NT5DC1: variants seen among roughly 807,000 people sequenced by gnomAD.
NT5DC1 encodes 5'-nucleotidase domain-containing protein 1.
In NT5DC1, 42 loss-of-function variants were observed where a neutral mutation model predicts 59.4. The ratio of observed to expected loss-of-function variants is 0.71; its 90% CI spans 0.55 to 0.92. The LOEUF is 0.92. Ranked by LOEUF, NT5DC1 falls within the 40% of genes least tolerant of loss-of-function variation. The pLI is 0.00. For missense variants in NT5DC1, 501 were observed against 537.1 expected (o/e 0.93, Z 0.66); for synonymous variants, 172 against 188.1 (o/e 0.91, Z 0.70).
rs759663795 is a variant in NT5DC1 at position 116,121,859 on chromosome 6, C to A, written c.529+3914C>A. On this transcript the variant is annotated intron_variant, in intron 6 of 11. Coordinates refer to ENST00000319550, the MANE Select transcript of NT5DC1 (RefSeq NM_152729.3). The stretch of plus-strand genomic sequence containing the variant: ...TGGCTCTCCTTGGAGTCCAGGACTT[C>A]CGTAGCCTGGTTTTCCTGGTGGTCC... 7.4e-6 allele frequency: 12 copies of A among 1,614,032 alleles called. No homozygotes were observed. The South Asian group carries it at 1.3e-4, about 18-fold the overall frequency.
chr6:116,146,188 T>A (rs1779894495), intron 6 of NT5DC1, among the ~76,000 whole-genome samples: 1 of 152,180 alleles, frequency 6.6e-6, no homozygotes, highest in African/African-American at 2.4e-5. Context: ...GAAGAGTCCC[T>A]GGGGATATGA....
chr6:116,156,289 A>C (rs1244548177), intron 6 of NT5DC1, among the ~76,000 whole-genome samples: 1 of 152,128 alleles, frequency 6.6e-6, no homozygotes, highest in Non-Finnish European at 1.5e-5. Context: ...AAAACTAATG[A>C]ACTTTGTTTT....
intron 1 of NT5DC1, among the ~76,000 whole-genome samples, chr6:116,104,163 A>G (rs1193165789): frequency 1.3e-5 from 2 of 152,174 alleles, no homozygotes; most frequent in African/African-American, 2.4e-5. Context: ...GACAAACTGC[A>G]AGAAGCCTTC....
intron 5 of NT5DC1, among the ~76,000 whole-genome samples, chr6:116,117,346 T>C (rs926293618): frequency 1.3e-5 from 2 of 152,202 alleles, no homozygotes; most frequent in Non-Finnish European, 2.9e-5. Context: ...AAGATTTCTT[T>C]TTAAAATTAC....
At chr6:116,139,989 T>C (rs1779724446) in intron 6 of NT5DC1, among the ~76,000 whole-genome samples, 1 of 152,188 alleles carries the variant, frequency 6.6e-6, no homozygotes, top group Non-Finnish European at 1.5e-5. Context: ...GCTTTTCTTA[T>C]TTGATCCAGA....
intron 6 of NT5DC1, among the ~76,000 whole-genome samples, chr6:116,219,145 G>A (rs912126595): frequency 2.6e-5 from 4 of 152,140 alleles, no homozygotes; most frequent in Admixed American, 1.3e-4. Flanking sequence ...CCAACAGAGC[G>A]AGACCCTGTC....
Position 116,183,313 on chromosome 6 carries a change from C to T in NT5DC1, c.530-37741C>T, listed in dbSNP as rs185798089. Among the ~76,000 whole-genome samples, 424 of 152,078 alleles carry T rather than the reference C, an allele frequency of 2.8e-3. 1 individual carries two copies. The highest frequency in any genetic ancestry group is 5.1e-3 in the Non-Finnish European group (346 of 67,980). ...AGTTCAAAGTTGGGTAATGTGATGC[C>T]TCCAGATTTGTTCTTTTTGCTTAGT... On this transcript the variant is annotated intron_variant, in intron 6 of 11. Coordinates refer to ENST00000319550, the MANE Select transcript of NT5DC1 (RefSeq NM_152729.3).
rs1582890480 is a variant in NT5DC1, at chr6:116,244,588, A to G, written c.*564A>G. The G allele has an allele frequency of 6.6e-6, 1 of 152,260 alleles. No individual in the cohort carries two copies. Among genetic ancestry groups the G allele is most frequent in the Admixed American group, 6.5e-5 (1 of 15,284 alleles). 9.4% of individuals were successfully genotyped at this position (152,260 alleles called of 1,614,324 possible). ...GTTGTTATCTTTTGTTATCTTTTATATGCCCTAGGAAAGTACAACCAGAAT... is the reference window on the plus strand; with the variant it reads ...GTTGTTATCTTTTGTTATCTTTTATGTGCCCTAGGAAAGTACAACCAGAAT... On this transcript the variant is annotated 3_prime_UTR_variant, in exon 12 of 12. Coordinates refer to ENST00000319550, the MANE Select transcript of NT5DC1 (RefSeq NM_152729.3).
At chr6:116,193,789 G>C (rs2114496723) in intron 6 of NT5DC1, among the ~76,000 whole-genome samples, 1 of 152,068 alleles carries the variant, frequency 6.6e-6, no homozygotes, top group South Asian at 2.1e-4. Flanking sequence ...AGAGGAGTTG[G>C]GCCAGGCACA....
At chr6:116,121,404 C>G in intron 6 of NT5DC1, 18 of 1,614,128 alleles carry the variant, frequency 1.1e-5, no homozygotes, top group Non-Finnish European at 1.4e-5. Context: ...CCCGGAAAAC[C>G]TCTATCACCT....
chr6:116,126,522 G>A (rs1319117267), intron 6 of NT5DC1, among the ~76,000 whole-genome samples: 1 of 152,078 alleles, frequency 6.6e-6, no homozygotes, highest in East Asian at 1.9e-4. Flanking sequence ...ATTCCTTGAA[G>A]GGGGTACTGG....
At chr6:116,236,887 C>T in intron 8 of NT5DC1, 79 bp from the exon 9 acceptor site, 2 of 820,966 alleles carry the variant, frequency 2.4e-6, no homozygotes, top group East Asian at 2.4e-5. Flanking sequence ...TGTCCTGTAG[C>T]CATGCCCTAA....
intron 6 of NT5DC1, among the ~76,000 whole-genome samples, chr6:116,135,530 A>G (rs1478327017): frequency 6.6e-6 from 1 of 151,802 alleles, no homozygotes; most frequent in Non-Finnish European, 1.5e-5. Flanking sequence ...CTTTTTTCTC[A>G]TTAAAATCTT....
intron 6 of NT5DC1, among the ~76,000 whole-genome samples, chr6:116,147,223 C>T (rs1162397266): frequency 2.0e-5 from 3 of 151,786 alleles, no homozygotes; most frequent in African/African-American, 7.3e-5. Context: ...GGCAGATCAC[C>T]TTGAGGTCAG....
At chr6:116,187,053 G>GTGCT (rs1781017225) in intron 6 of NT5DC1, among the ~76,000 whole-genome samples, 1 of 152,016 alleles carries the variant, frequency 6.6e-6, no homozygotes, top group Non-Finnish European at 1.5e-5. Flanking sequence ...GTCCCACAGG[G>GTGCT]TGCTCCCTTG....
chr6:116,173,844 A>G (rs926176971), intron 6 of NT5DC1, among the ~76,000 whole-genome samples: 3 of 152,160 alleles, frequency 2.0e-5, no homozygotes, highest in Non-Finnish European at 4.4e-5. Context: ...GCACATTCCT[A>G]TTAACTAACC....
At chr6:116,174,997 G>T (rs1273344738) in intron 6 of NT5DC1, among the ~76,000 whole-genome samples, 1 of 152,104 alleles carries the variant, frequency 6.6e-6, no homozygotes, top group African/African-American at 2.4e-5. Context: ...ATAATCATTA[G>T]TAAGGGATAT....
At chr6:116,103,531 C>T (rs1271789913) in intron 1 of NT5DC1, among the ~76,000 whole-genome samples, 4 of 151,944 alleles carry the variant, frequency 2.6e-5, no homozygotes, top group Non-Finnish European at 5.9e-5. Flanking sequence ...GTGCTTCACC[C>T]AGAGGAGTTA....
At position 116,111,037 on chromosome 6, in the gene NT5DC1, A is replaced by AC. The variant is rs1402281101; in HGVS notation, c.364+87dup. On this transcript the variant is annotated intron_variant, in intron 4 of 11. Coordinates refer to ENST00000319550, the MANE Select transcript of NT5DC1 (RefSeq NM_152729.3). ...AACCTTTGATGTCAGGACAAAGAAG[A>AC]CCCCCCTTTCCCCTGCTGGGCAGGA... 12 of 937,908 alleles carry AC rather than the reference A, an allele frequency of 1.3e-5. No homozygotes were observed. The East Asian group carries it at 1.5e-4, about 12-fold the overall frequency. The allele number at this position is 937,908 out of a possible 1,614,324, so 58.1% of individuals were successfully genotyped here. A position where few individuals can be genotyped will look rare whatever the true frequency, so the allele number is the denominator to read the frequency against.
Sources: allele counts gnomAD v4.1 joint callset (sites outside exome capture counted in the v4.1 genomes callset), GRCh38; gene constraint gnomAD v4.1.1; transcripts MANE v1.5; gene names NCBI Gene and HGNC (gene_info 2026-07-23, HGNC 2026-07-21).